Variants in RYR3 observed in about 807,000 individuals in gnomAD.
RYR3 encodes the protein ryanodine receptor 3, also known as brain ryanodine receptor-calcium release channel.
RYR3 carries 207 observed loss-of-function variants against 584.3 expected under a neutral mutation model. The observed-to-expected ratio is 0.35, with a 90% CI of 0.32 to 0.40. The LOEUF is 0.40. Among genes scored for constraint, RYR3 ranks in the 10% least tolerant of loss-of-function variants. RYR3 has a pLI of 1.00. For missense variants in RYR3, 5,616 were observed against 6,089.2 expected (o/e 0.92, Z 2.59); for synonymous variants, 2,416 against 2,248.5 (o/e 1.07, Z -2.11).
At position 33,636,626 on chromosome 15, in the gene RYR3, C is replaced by G. The variant is rs186996307; in HGVS notation, c.3556+76C>G. 5 of 1,300,084 alleles carry G rather than the reference C, an allele frequency of 3.8e-6. No homozygotes were observed. The East Asian group carries it at 1.2e-4, about 30-fold the overall frequency. The allele number at this position is 1,300,084 out of a possible 1,614,324, so 80.5% of individuals were successfully genotyped here. A position where few individuals can be genotyped will look rare whatever the true frequency, so the allele number is the denominator to read the frequency against. On this transcript the variant is annotated intron_variant, in intron 27 of 103. Coordinates refer to ENST00000634891, the MANE Select transcript of RYR3 (RefSeq NM_001036.6). ...TATAGGGAGAGCTGAGCGACCTGCT[C>G]TACTTCCTTATTCGGTCTACACTGT...
chr15:33,726,802 T>C (rs1567036311), intron 46 of RYR3, among the ~76,000 whole-genome samples: 1 of 152,278 alleles, frequency 6.6e-6, no homozygotes, highest in Non-Finnish European at 1.5e-5. Context: ...ACCAATGTAA[T>C]GTCACTGAAC....
intron 1 of RYR3, among the ~76,000 whole-genome samples, chr15:33,473,059 G>A (rs902683466): frequency 3.9e-5 from 6 of 152,006 alleles, no homozygotes; most frequent in African/African-American, 7.3e-5. Flanking sequence ...CTATCTTATT[G>A]TTTTATTCTA....
At chr15:33,826,810 C>G (rs1596841741) in intron 84 of RYR3, 58 bp downstream of exon 84, 1 of 1,258,854 alleles carries the variant, frequency 7.9e-7, no homozygotes, top group East Asian at 2.3e-5. Context: ...AACTAGAATT[C>G]CGTTCAGTAT....
intron 38 of RYR3, among the ~76,000 whole-genome samples, chr15:33,685,329 A>G (rs2064914568): frequency 1.3e-5 from 2 of 152,230 alleles, no homozygotes; most frequent in Admixed American, 6.5e-5. Context: ...TAAACCAACA[A>G]AGATCAAAAG....
intron 38 of RYR3, among the ~76,000 whole-genome samples, chr15:33,672,552 T>G (rs971824493): frequency 2.0e-5 from 3 of 152,200 alleles, no homozygotes; most frequent in African/African-American, 7.2e-5. Flanking sequence ...ATGAATCCCC[T>G]CACTCAAGCC....
chr15:33,600,915 T>C (rs2059628104), intron 16 of RYR3, among the ~76,000 whole-genome samples: 1 of 152,194 alleles, frequency 6.6e-6, no homozygotes, highest in Non-Finnish European at 1.5e-5. Context: ...CCGCTAATAC[T>C]CAGTGCCAAG....
At chr15:33,577,979 C>T (rs746980832) in intron 12 of RYR3, among the ~76,000 whole-genome samples, 1 of 152,106 alleles carries the variant, frequency 6.6e-6, no homozygotes, top group Non-Finnish European at 1.5e-5. Context: ...CAAAAGAAGA[C>T]ATTTATGTGG....
At chr15:33,722,510 G>A in intron 43 of RYR3, 1 of 574,016 alleles carries the variant, frequency 1.7e-6, no homozygotes, top group Non-Finnish European at 3.0e-6. Flanking sequence ...CAAGTGCAGT[G>A]AGTGGGGTTT....
intron 48 of RYR3, among the ~76,000 whole-genome samples, chr15:33,733,623 A>G (rs1263367454): frequency 6.6e-6 from 1 of 152,208 alleles, no homozygotes; most frequent in Non-Finnish European, 1.5e-5. Context: ...GAGCACAGAG[A>G]ATTTTTAGGG....
At chr15:33,595,062 TA>T (rs1444293419) in intron 16 of RYR3, among the ~76,000 whole-genome samples, 1 of 151,366 alleles carries the variant, frequency 6.6e-6, no homozygotes, top group Admixed American at 6.6e-5. Context: ...CCTAATGTCT[TA>T]AAAGATTAGA....
intron 65 of RYR3, among the ~76,000 whole-genome samples, 161 bp from the exon 66 acceptor site, chr15:33,785,501 A>G (rs530960766): frequency 1.3e-5 from 2 of 152,342 alleles, no homozygotes; most frequent in South Asian, 4.1e-4. Context: ...CACTCTGTTC[A>G]CAGACAGCTG....
At chr15:33,523,256 AGCG>A (rs2054139914) in intron 3 of RYR3, among the ~76,000 whole-genome samples, 1 of 152,210 alleles carries the variant, frequency 6.6e-6, no homozygotes, top group Admixed American at 6.5e-5. Flanking sequence ...CCGAGCCAGC[AGCG>A]GCAACCTGCT....
intron 1 of RYR3, among the ~76,000 whole-genome samples, chr15:33,422,690 A>G (rs1323390148): frequency 6.6e-6 from 1 of 152,140 alleles, no homozygotes; most frequent in Non-Finnish European, 1.5e-5. Flanking sequence ...ACTCTTCTGT[A>G]TCGTGGGGCC....
chr15:33,602,895 A>T (rs1458201379), intron 17 of RYR3, among the ~76,000 whole-genome samples: 1 of 151,842 alleles, frequency 6.6e-6, no homozygotes, highest in African/African-American at 2.4e-5. Context: ...ATAGGTGTGC[A>T]CCACCATACC....
intron 24 of RYR3, 133 bp from the exon 25 acceptor site, chr15:33,634,453 A>C: frequency 1.4e-6 from 1 of 715,340 alleles, no homozygotes; most frequent in Non-Finnish European, 2.4e-6. Context: ...CTAAATGTGA[A>C]GGCACTGAGG....
intron 1 of RYR3, among the ~76,000 whole-genome samples, chr15:33,337,118 GA>G (rs1198113155): frequency 7.8e-6 from 1 of 128,788 alleles, no homozygotes; most frequent in East Asian, 2.5e-4. Context: ...TAAAAAAAGA[GA>G]AGGCATGAGT....
Position 33,774,053 on chromosome 15 carries a change from C to G in RYR3, c.9137+438C>G, listed in dbSNP as rs575766060. Among the ~76,000 whole-genome samples the G allele has an allele frequency of 5.3e-5, 8 of 152,278 alleles. No individual in the cohort carries two copies. The South Asian group carries it at 1.5e-3, about 28-fold the overall frequency. ...AACCCTGGACTTTTACCAGTCTTGG[C>G]TGTCGGATTTGCCATAGTTTTCAAC... On this transcript the variant is annotated intron_variant, in intron 64 of 103. Coordinates refer to ENST00000634891, the MANE Select transcript of RYR3 (RefSeq NM_001036.6).
At chr15:33,827,758 T>C (rs573199152) in intron 85 of RYR3, among the ~76,000 whole-genome samples, 5 of 152,352 alleles carry the variant, frequency 3.3e-5, no homozygotes, top group South Asian at 2.1e-4. Context: ...AAAAGGGATT[T>C]TTTTCCTCTT....
chr15:33,554,673 A>G (rs1302192854), intron 10 of RYR3, among the ~76,000 whole-genome samples: 2 of 152,186 alleles, frequency 1.3e-5, no homozygotes, highest in East Asian at 3.8e-4. Flanking sequence ...CCCAGTACAC[A>G]CCCAATGAGA....
Sources: allele counts gnomAD v4.1 joint callset (sites outside exome capture counted in the v4.1 genomes callset), GRCh38; gene constraint gnomAD v4.1.1; transcripts MANE v1.5; gene names NCBI Gene and HGNC (gene_info 2026-07-23, HGNC 2026-07-21).